PPP1R37: variants seen among roughly 807,000 people sequenced by gnomAD.
PPP1R37 encodes the protein leucine rich repeat containing 68.
Under a neutral mutation model 61.0 loss-of-function variants are expected in PPP1R37, and 21 were observed. That is an observed-to-expected ratio of 0.34 (90% confidence interval 0.24 to 0.50). The LOEUF is 0.50. Among genes scored for constraint, PPP1R37 ranks in the 20% least tolerant of loss-of-function variants. PPP1R37 has a pLI of 0.98. For synonymous variants in PPP1R37, 443 were observed against 433.5 expected, an observed-to-expected ratio of 1.02 and a Z score of -0.27; for missense variants, 910 against 952.7, an observed-to-expected ratio of 0.96 and a Z score of 0.59.
chr19:45,120,768 A>G (rs906704349), intron 1 of PPP1R37, among the ~76,000 whole-genome samples: 2 of 152,172 alleles, frequency 1.3e-5, no homozygotes, highest in East Asian at 3.9e-4. Context: ...ACCCGCTACC[A>G]CACCTGGCTA....
At chr19:45,099,607 G>A (rs1274026268) in intron 1 of PPP1R37, among the ~76,000 whole-genome samples, 1 of 152,228 alleles carries the variant, frequency 6.6e-6, no homozygotes. Context: ...CGCTCTCCGT[G>A]CCTGTACATG....
At chr19:45,107,206 G>A (rs1188912724) in intron 1 of PPP1R37, among the ~76,000 whole-genome samples, 1 of 151,836 alleles carries the variant, frequency 6.6e-6, no homozygotes, top group Non-Finnish European at 1.5e-5. Context: ...TTTTTAAATT[G>A]AGCCAGCCGG....
Position 45,146,489 on chromosome 19 carries a change from A to G in PPP1R37, c.*8+9A>G, listed in dbSNP as rs1437036396. 1 of 1,527,944 alleles carries G rather than the reference A, an allele frequency of 6.5e-7. No individual in the cohort carries two copies. The highest frequency in any genetic ancestry group is 8.8e-7 in the Non-Finnish European group (1 of 1,139,904). The allele number at this position is 1,527,944 out of a possible 1,614,324, so 94.6% of individuals were successfully genotyped here. ...ACACTGTGACACTTTAGGTGAGGCCAGGCCCGGGGCCCACAGCACTCGGGA... is the reference window on the plus strand; with the variant it reads ...ACACTGTGACACTTTAGGTGAGGCCGGGCCCGGGGCCCACAGCACTCGGGA... On this transcript the variant is annotated intron_variant, in intron 12 of 12. Transcript: ENST00000221462.
intron 5 of PPP1R37, 68 bp from the exon 6 acceptor site, chr19:45,141,993 T>G (rs2122755454): frequency 5.1e-6 from 6 of 1,187,326 alleles, no homozygotes; most frequent in South Asian, 1.6e-5. Flanking sequence ...GCTGGGGCGG[T>G]CCTGGGGCCA....
intron 11 of PPP1R37, 42 bp downstream of exon 11, chr19:45,146,091 C>T: frequency 2.0e-6 from 3 of 1,471,784 alleles, no homozygotes; most frequent in Admixed American, 2.4e-5. Flanking sequence ...GCCCTGGGTG[C>T]TGTATGTGAC....
chr19:45,127,539 T>A (rs1029452736), intron 1 of PPP1R37, among the ~76,000 whole-genome samples: 1 of 152,008 alleles, frequency 6.6e-6, no homozygotes, highest in Non-Finnish European at 1.5e-5. Context: ...AGTAAAAATA[T>A]AGTGGGAAAT....
chr19:45,093,569 C>T, intron 1 of PPP1R37, 42 bp downstream of exon 1: 2 of 1,492,432 alleles, frequency 1.3e-6, no homozygotes, highest in Non-Finnish European at 1.8e-6. Flanking sequence ...CGAGAGGGAC[C>T]CGGGAGTCGG....
intron 1 of PPP1R37, among the ~76,000 whole-genome samples, chr19:45,101,722 G>A (rs201258038): frequency 1.3e-5 from 2 of 151,942 alleles, no homozygotes; most frequent in African/African-American, 4.8e-5. Context: ...TGTCTCAAAA[G>A]AAAAAGGAGG....
Position 45,146,809 on chromosome 19 carries a change from A to AG in PPP1R37, c.*252dup, listed in dbSNP as rs957444936. On this transcript the variant is annotated 3_prime_UTR_variant, in exon 13 of 13. Coordinates refer to ENST00000221462, the MANE Select transcript of PPP1R37 (RefSeq NM_019121.2). The stretch of plus-strand genomic sequence containing the variant: ...GAAGACTCTGGGGGTGAATGGGAGG[A>AG]GGGGGAGCAGGAGGAGGAGGAGGTC... The AG allele has an allele frequency of 8.4e-5, 19 of 227,180 alleles. No homozygotes were observed. Among genetic ancestry groups the AG allele is most frequent in the Non-Finnish European group, 1.8e-5 (2 of 112,240 alleles). The allele number at this position is 227,180 out of a possible 1,614,324, so 14.1% of individuals were successfully genotyped here.
intron 1 of PPP1R37, among the ~76,000 whole-genome samples, chr19:45,114,911 C>A (rs62118465): frequency 0.073 from 11,086 of 152,190 alleles, 573 homozygotes; most frequent in Non-Finnish European, 0.11. Context: ...TTATGGAGGC[C>A]ATAAAGGAAC....
At chr19:45,109,355 T>TG in intron 1 of PPP1R37, among the ~76,000 whole-genome samples, 1 of 152,254 alleles carries the variant, frequency 6.6e-6, no homozygotes. Context: ...AACACAGGGC[T>TG]GGGGCCCTCA....
chr19:45,111,390 A>G lies in PPP1R37; in HGVS notation c.202+17863A>G, dbSNP rs541804497. Among the ~76,000 whole-genome samples, 9 of 152,100 alleles carry G rather than the reference A, an allele frequency of 5.9e-5. No individual in the cohort carries two copies. In the South Asian group the frequency reaches 1.2e-3, roughly 21 times the overall value. On this transcript the variant is annotated intron_variant, in intron 1 of 12. Coordinates refer to ENST00000221462, the MANE Select transcript of PPP1R37 (RefSeq NM_019121.2). Reference sequence around the variant, plus strand: ...CCCGGGTTCAAGCAATTCTCCAGCCACAGCCTCCTGAGTAGCTGGGATTAC... The same window carrying G: ...CCCGGGTTCAAGCAATTCTCCAGCCGCAGCCTCCTGAGTAGCTGGGATTAC...
In PPP1R37 at chr19:45,109,740, A is replaced by G. The variant is rs370283816; in HGVS notation, c.202+16213A>G. 2.0e-4 allele frequency among the ~76,000 whole-genome samples: 31 copies of G among 152,318 alleles called. No individual in the cohort carries two copies. The South Asian group carries it at 5.8e-3, about 28-fold the overall frequency. On this transcript the variant is annotated intron_variant, in intron 1 of 12. Coordinates refer to ENST00000221462, the MANE Select transcript of PPP1R37 (RefSeq NM_019121.2). ...TCCCTCGTCTCCCACAGCCATGGCC[A>G]CCACGTCATCAGCACCCTCTGTATG...
Position 45,144,876 on chromosome 19 carries a change from C to T in PPP1R37, c.1010C>T (p.Thr337Met), listed in dbSNP as rs1210832051. 2 of 1,534,810 alleles carry T rather than the reference C, an allele frequency of 1.3e-6. No homozygotes were observed. Among genetic ancestry groups the T allele is most frequent in the South Asian group, 1.2e-5 (1 of 83,776 alleles). Residue 337 changes from threonine (T) to methionine (M), a missense_variant, in exon 9 of 13, where the codon ACG (threonine) becomes ATG (methionine). Around this residue, in one of 3 missense-constraint regions of PPP1R37, gnomAD observed 549 missense variants for 505.1 expected, o/e 1.09. Coordinates refer to ENST00000221462, the MANE Select transcript of PPP1R37 (RefSeq NM_019121.2). ...CAGCCGCACACTCAGAGCCTGGAGA[C>T]GCTGAACCTGGGCCACAACCCCATC... is the stretch of plus-strand genomic sequence containing the variant. ...MTLPHTQSLE[T>M]LNLGHNPIGN...
intron 1 of PPP1R37, among the ~76,000 whole-genome samples, chr19:45,102,441 G>T (rs543036605): frequency 2.0e-5 from 3 of 152,184 alleles, no homozygotes; most frequent in Non-Finnish European, 4.4e-5. Flanking sequence ...ATTTGTATGG[G>T]GATTGAGGAT....
chr19:45,139,021 C>T (rs1170436811), intron 2 of PPP1R37, among the ~76,000 whole-genome samples: 1 of 137,382 alleles, frequency 7.3e-6, no homozygotes, highest in Non-Finnish European at 1.5e-5. Flanking sequence ...TCAAGCGATT[C>T]TCCTGCCTCA....
chr19:45,140,420 GGGTGGGA>G, intron 3 of PPP1R37, 79 bp from the exon 4 acceptor site: 1 of 1,273,186 alleles, frequency 7.9e-7, no homozygotes. Context: ...GCCTGGTGGG[GGGTGGGA>G]GGTTGGGGGC....
intron 7 of PPP1R37, 72 bp from the exon 8 acceptor site, chr19:45,143,449 T>C: frequency 2.3e-6 from 2 of 880,036 alleles, no homozygotes; most frequent in Non-Finnish European, 3.6e-6. Context: ...AGGGGGTTGC[T>C]CCTACCCTGC....
intron 1 of PPP1R37, among the ~76,000 whole-genome samples, chr19:45,103,282 C>T (rs183193807): frequency 1.1e-4 from 17 of 152,328 alleles, no homozygotes; most frequent in African/African-American, 3.6e-4. Context: ...TGCTGACATC[C>T]GCACAGCTCA....
Sources: allele counts gnomAD v4.1 joint callset (sites outside exome capture counted in the v4.1 genomes callset), GRCh38; gene constraint gnomAD v4.1.1; regional missense constraint gnomAD v4.1.1; transcripts MANE v1.5; gene names NCBI Gene and HGNC (gene_info 2026-07-23, HGNC 2026-07-21).